The following ZIM3 variants were observed in gnomAD, a reference collection of about 807,000 sequenced individuals.
The protein encoded by ZIM3 is zinc finger imprinted 3, also known as zinc finger protein 657.
ZIM3 carries 11 observed loss-of-function variants against 12.9 expected under a neutral mutation model. That is an observed-to-expected ratio of 0.85 (90% CI 0.54 to 1.41). ZIM3 has a LOEUF of 1.41. ZIM3 is among the 40% of genes most tolerant of loss of function. ZIM3 has a pLI of 0.00. For missense variants in ZIM3, 604 were observed against 557.2 expected (o/e 1.08, Z -0.85); for synonymous variants, 205 against 198.5 (o/e 1.03, Z -0.28).
chr19:57,143,977 A>G (rs2086926518), intron 1 of ZIM3, among the ~76,000 whole-genome samples: 1 of 152,114 alleles, frequency 6.6e-6, no homozygotes, highest in Non-Finnish European at 1.5e-5. Flanking sequence ...CATCCAGCCA[A>G]GCCCAGGAGT....
At position 57,135,500 on chromosome 19, in the gene ZIM3, A is replaced by G. The variant is rs1245984275; in HGVS notation, c.837T>C (p.Tyr279=). The G allele has an allele frequency of 1.9e-5, 31 of 1,613,928 alleles. No individual in the cohort carries two copies. The highest frequency in any genetic ancestry group is 2.3e-5 in the Non-Finnish European group (27 of 1,180,024). The change falls in exon 5 of 5, where the codon TAT becomes TAC. Residue 279 remains tyrosine, a synonymous_variant. Transcript: ENST00000269834. The part of the protein sequence containing the change: ...HEKIHNAKKS[Y]QCNECEKSFR... ...AGGATTTCTCACATTCATTACACTG[A>G]TAGGATTTCTTGGCATTATGAATTT...
At position 57,138,714 on chromosome 19, in the gene ZIM3, T is replaced by C. The variant is rs776046276; in HGVS notation, c.16-116A>G. 413 of 1,333,018 alleles carry C rather than the reference T, an allele frequency of 3.1e-4. 1 individual carries two copies. Among genetic ancestry groups the C allele is most frequent in the Non-Finnish European group, 3.9e-4 (381 of 968,652 alleles). 82.6% of individuals were successfully genotyped at this position (1,333,018 alleles called of 1,614,324 possible). A position where few individuals can be genotyped will look rare whatever the true frequency, so the allele number is the denominator to read the frequency against. On this transcript the variant is annotated intron_variant, in intron 2 of 4. Coordinates refer to ENST00000269834, the MANE Select transcript of ZIM3 (RefSeq NM_052882.1). Reference sequence around the variant, plus strand: ...ATCATGTCCATAATTCACTCTACTCTGGATGAAAATAAATTGTGCCCAGAG... The same window carrying C: ...ATCATGTCCATAATTCACTCTACTCCGGATGAAAATAAATTGTGCCCAGAG...
In ZIM3 at chr19:57,136,736, G is replaced by A. The variant is rs2086888934; in HGVS notation, c.241+137C>T. The A allele has an allele frequency of 1.1e-5, 7 of 621,258 alleles. No homozygotes were observed. The East Asian group carries it at 2.0e-4, about 17-fold the overall frequency. 38.5% of individuals were successfully genotyped at this position (621,258 alleles called of 1,614,324 possible). A position where few individuals can be genotyped will look rare whatever the true frequency, so the allele number is the denominator to read the frequency against. Reference sequence around the variant, plus strand: ...CAGATAAGAATGTAAAGAAATTTCTGAGTGGAGAAAAATACCTGGAGATTT... The same window carrying A: ...CAGATAAGAATGTAAAGAAATTTCTAAGTGGAGAAAAATACCTGGAGATTT... On this transcript the variant is annotated intron_variant, in intron 4 of 4. Coordinates refer to ENST00000269834, the MANE Select transcript of ZIM3 (RefSeq NM_052882.1).
In ZIM3 at chr19:57,136,874, T is replaced by A. The variant is rs771140327; in HGVS notation, c.240A>T (p.Ala80=). 6.2e-7 allele frequency: 1 copy of A among 1,613,948 alleles called. No homozygotes were observed. The highest frequency in any genetic ancestry group is 8.5e-7 in the Non-Finnish European group (1 of 1,179,958). Residue 80 remains alanine (A), a splice_region_variant and synonymous_variant, in exon 4 of 5, where the codon GCA becomes GCT. Transcript: ENST00000269834. ...CACAGTGCTCTCCTGGTCACCTACC[T>A]GCACGGCCACTTCCCAGCACTTCCT... ...EEEEVLGSGR[A]EKNGDIGGQI...
At chr19:57,139,540 A>G (rs549272632) in intron 2 of ZIM3, among the ~76,000 whole-genome samples, 20 of 151,896 alleles carry the variant, frequency 1.3e-4, no homozygotes, top group Admixed American at 2.0e-4. Context: ...AGCCTCGTCA[A>G]CATGGTGAAA....
intron 2 of ZIM3, among the ~76,000 whole-genome samples, chr19:57,139,226 G>A (rs566278337): frequency 1.3e-5 from 2 of 152,024 alleles, no homozygotes; most frequent in African/African-American, 4.8e-5. Context: ...TACTCAGGAG[G>A]CTGAGGCAGG....
chr19:57,141,649 G>C (rs555530564), intron 2 of ZIM3, among the ~76,000 whole-genome samples: 1 of 151,902 alleles, frequency 6.6e-6, no homozygotes, highest in Non-Finnish European at 1.5e-5. Flanking sequence ...TCAAGATTTC[G>C]AGGCCAGCCT....
chr19:57,144,163 T>C (rs1447138326), intron 1 of ZIM3, among the ~76,000 whole-genome samples: 1 of 152,218 alleles, frequency 6.6e-6, no homozygotes, highest in Non-Finnish European at 1.5e-5. Context: ...GCAATCCTCC[T>C]ACCTTGGCCT....
chr19:57,136,959 G>C lies in ZIM3; in HGVS notation c.155C>G (p.Thr52Ser), dbSNP rs778184530. The change falls in exon 4 of 5, where the codon ACC becomes AGC. Residue 52 changes from threonine to serine, a missense_variant. Thr to Ser is a moderately conservative substitution (Grantham distance 58). Coordinates refer to ENST00000269834, the MANE Select transcript of ZIM3 (RefSeq NM_052882.1). ...CCTCAAGATCACATCGGGTTTGGTGGTTTCCCCTTGTCCTGTGATGGAAGA... is the reference window on the plus strand; with the variant it reads ...CCTCAAGATCACATCGGGTTTGGTGCTTTCCCCTTGTCCTGTGATGGAAGA... ...SNLVSVGQGETTKPDVILRLE... is the reference protein window; with the variant it reads ...SNLVSVGQGESTKPDVILRLE... The C allele has an allele frequency of 1.9e-6, 3 of 1,614,130 alleles. No individual in the cohort carries two copies.
chr19:57,142,610 A>AT lies in ZIM3; in HGVS notation c.15+18dup. On this transcript the variant is annotated intron_variant, in intron 2 of 4. Coordinates refer to ENST00000269834, the MANE Select transcript of ZIM3 (RefSeq NM_052882.1). ...TACGTTTATTCATTATGAGATTTAGATTTTTTTGAAAAGCTCACCTGGGAA... is the reference window on the plus strand; with the variant it reads ...TACGTTTATTCATTATGAGATTTAGATTTTTTTTGAAAAGCTCACCTGGGAA... The AT allele has an allele frequency of 1.9e-6, 3 of 1,613,366 alleles. No homozygotes were observed. The highest frequency in any genetic ancestry group is 2.2e-5 in the East Asian group (1 of 44,854).
rs764689567 is a variant in ZIM3, at chr19:57,134,965, C to G, written c.1372G>C (p.Asp458His). Residue 458 changes from aspartate to histidine, a missense_variant, in exon 5 of 5, where the codon GAC (aspartate) becomes CAC (histidine). Asp to His is a moderately conservative substitution (Grantham distance 81). Coordinates refer to ENST00000269834, the MANE Select transcript of ZIM3 (RefSeq NM_052882.1). ...TGGTGCCTAACAAGGTATGACCTGT[C>G]AGCGAAGGCTTTACCGCATTCAGAA... Reference protein sequence around the residue: ...GCSECGKAFADRSYLVRHQKR... With the variant: ...GCSECGKAFAHRSYLVRHQKR... The G allele has an allele frequency of 1.9e-6, 3 of 1,613,936 alleles. No individual in the cohort carries two copies. In the African/African-American group the frequency reaches 4.0e-5, roughly 22 times the overall value.
intron 3 of ZIM3, among the ~76,000 whole-genome samples, chr19:57,137,906 GGAAGGAAGGAAGGAAA>G: frequency 2.3e-5 from 1 of 43,218 alleles, no homozygotes; most frequent in Non-Finnish European, 4.4e-5. Context: ...AAGGAAAGAA[GGAAGGAAGGAAGGAAA>G]GAAGGAAGGA....
intron 1 of ZIM3, among the ~76,000 whole-genome samples, chr19:57,143,675 CTTTTT>C (rs71186226): frequency 7.2e-6 from 1 of 138,980 alleles, no homozygotes. Flanking sequence ...CCAGGAGTTA[CTTTTT>C]TTTTTTTTTT....
At chr19:57,141,120 C>T (rs1277451914) in intron 2 of ZIM3, among the ~76,000 whole-genome samples, 4 of 152,042 alleles carry the variant, frequency 2.6e-5, no homozygotes, top group African/African-American at 7.2e-5. Flanking sequence ...TGAGGCTGGG[C>T]GTGGTGGCTC....
At chr19:57,139,147 A>C (rs1215380779) in intron 2 of ZIM3, among the ~76,000 whole-genome samples, 2 of 151,364 alleles carry the variant, frequency 1.3e-5, no homozygotes, top group East Asian at 3.9e-4. Flanking sequence ...GCCAACATGA[A>C]GAAACCCCAT....
chr19:57,142,576 C>CGTG (rs2086918201), intron 2 of ZIM3, 53 bp downstream of exon 2: 2 of 1,594,126 alleles, frequency 1.3e-6, no homozygotes, highest in African/African-American at 2.7e-5. Context: ...GCAAGAGGAA[C>CGTG]GTGGGTCATA....
chr19:57,141,690 A>C (rs937235677), intron 2 of ZIM3, among the ~76,000 whole-genome samples: 29 of 152,010 alleles, frequency 1.9e-4, no homozygotes, highest in African/African-American at 7.0e-4. Context: ...GTCTCTACCA[A>C]AAAATACAAA....
chr19:57,134,965 C>T lies in ZIM3; in HGVS notation c.1372G>A (p.Asp458Asn). The change falls in exon 5 of 5, where the codon GAC becomes AAC. Residue 458 changes from aspartate (D) to asparagine (N), a missense_variant. Physicochemically the swap from Asp to Asn is conservative, Grantham distance 23 (BLOSUM62 1). Transcript: ENST00000269834. ...TGGTGCCTAACAAGGTATGACCTGT[C>T]AGCGAAGGCTTTACCGCATTCAGAA... ...GCSECGKAFA[D>N]RSYLVRHQKR... 1.2e-6 allele frequency: 2 copies of T among 1,614,054 alleles called. No individual in the cohort carries two copies. The highest frequency in any genetic ancestry group is 1.7e-6 in the Non-Finnish European group (2 of 1,180,010).
chr19:57,140,101 T>G (rs1424014250), intron 2 of ZIM3, among the ~76,000 whole-genome samples: 1 of 152,226 alleles, frequency 6.6e-6, no homozygotes, highest in East Asian at 1.9e-4. Flanking sequence ...GCACCTAGTG[T>G]CCTCTTGGAC....
Sources: allele counts gnomAD v4.1 joint callset (sites outside exome capture counted in the v4.1 genomes callset), GRCh38; gene constraint gnomAD v4.1.1; transcripts MANE v1.5; gene names NCBI Gene and HGNC (gene_info 2026-07-23, HGNC 2026-07-21).